The following ZNF600 variants were observed in gnomAD, a reference collection of about 807,000 sequenced individuals.
ZNF600 encodes the protein zinc finger protein 600.
A neutral mutation model predicts 7.3 loss-of-function variants in ZNF600; 4 were observed. That is an observed-to-expected ratio of 0.55 (90% CI 0.27 to 1.25). ZNF600 has a LOEUF of 1.25. Ranked by LOEUF, ZNF600 falls within the 50% of genes most tolerant of loss-of-function variation. The pLI is 0.12. For synonymous variants in ZNF600, 290 were observed against 308.9 expected (o/e 0.94, Z 0.64); for missense variants, 911 against 922.1 (o/e 0.99, Z 0.16).
the ZNF600 span, chr19:52,801,238 T>C: frequency 1.2e-6 from 2 of 1,614,158 alleles, no homozygotes; most frequent in Non-Finnish European, 1.7e-6. Context: ...CGTTTTTGTG[T>C]GAGTAATGAA....
chr19:52,773,144 G>A (rs1356631609), intron 3 of ZNF600, among the ~76,000 whole-genome samples: 1 of 152,146 alleles, frequency 6.6e-6, no homozygotes, highest in Non-Finnish European at 1.5e-5. Flanking sequence ...AGGAAAGGAA[G>A]GGCAAGGGTG....
At chr19:52,785,204 C>A (rs768455460) in intron 1 of ZNF600, among the ~76,000 whole-genome samples, 6 of 151,848 alleles carry the variant, frequency 4.0e-5, no homozygotes, top group Non-Finnish European at 8.8e-5. Flanking sequence ...TATTACTTCT[C>A]TTCCACCTCT....
At chr19:52,813,389 G>A in the ZNF600 span, among the ~76,000 whole-genome samples, 5 of 151,762 alleles carry the variant, frequency 3.3e-5, no homozygotes, top group Non-Finnish European at 7.4e-5. Context: ...CTGGGGATTC[G>A]CCATGGACAC....
upstream of ZNF600, among the ~76,000 whole-genome samples, chr19:52,791,587 G>GAA (rs10644290): frequency 0.044 from 6,537 of 149,200 alleles, 468 homozygotes; most frequent in African/African-American, 0.15. Flanking sequence ...TCCTGAATGT[G>GAA]AAAAAAAAAA....
the ZNF600 span, chr19:52,798,680 C>T: frequency 2.3e-6 from 1 of 440,514 alleles, no homozygotes; most frequent in Non-Finnish European, 4.6e-6. Flanking sequence ...ACAATCATGA[C>T]ATTTATAAGG....
exon 4 of ZNF600, chr19:52,766,845 C>A (rs1465481277): frequency 6.2e-7 from 1 of 1,614,086 alleles, no homozygotes; most frequent in Non-Finnish European, 8.5e-7. Context: ...ACATTCTTCA[C>A]ATTTGTAAGG....
chr19:52,829,750 G>C, the ZNF600 span, among the ~76,000 whole-genome samples: 2 of 152,018 alleles, frequency 1.3e-5, no homozygotes, highest in Non-Finnish European at 2.9e-5. Flanking sequence ...CGCCTCAAGC[G>C]ATCTACCCCC....
chr19:52,769,302 C>T (rs1353096948), intron 3 of ZNF600, among the ~76,000 whole-genome samples: 9 of 152,212 alleles, frequency 5.9e-5, no homozygotes, highest in East Asian at 1.9e-4. Context: ...TCAGTGGTCA[C>T]GCTCCTAGTC....
intron 1 of ZNF600, among the ~76,000 whole-genome samples, chr19:52,784,733 C>A (rs1430752241): frequency 6.6e-6 from 1 of 152,158 alleles, no homozygotes; most frequent in Non-Finnish European, 1.5e-5. Context: ...AGTCCCCCAC[C>A]CTTTTTTTCT....
chr19:52,810,020 G>T, the ZNF600 span: 1 of 749,444 alleles, frequency 1.3e-6, no homozygotes. Flanking sequence ...TGGAGCCGGA[G>T]CCCGAAGAGG....
At chr19:52,812,176 A>G in the ZNF600 span, among the ~76,000 whole-genome samples, 53 of 118,704 alleles carry the variant, frequency 4.5e-4, 5 homozygotes, top group Middle Eastern at 5.0e-3. Flanking sequence ...CAGCCGCCCC[A>G]TCTGGGAGGT....
chr19:52,805,988 C>G, the ZNF600 span: 1 of 151,768 alleles, frequency 6.6e-6, no homozygotes, highest in African/African-American at 2.4e-5. Flanking sequence ...CTCATAAATA[C>G]ATAAAGTAAT....
chr19:52,795,642 T>C, the ZNF600 span, among the ~76,000 whole-genome samples: 3 of 152,096 alleles, frequency 2.0e-5, no homozygotes, highest in African/African-American at 4.8e-5. Context: ...TCTCAGCTCA[T>C]TGCAATGTCC....
chr19:52,809,704 G>T, the ZNF600 span: 13 of 386,850 alleles, frequency 3.4e-5, no homozygotes, highest in East Asian at 5.2e-4. Context: ...TACTCGAGAG[G>T]CTGAGGCAGC....
At chr19:52,823,505 C>T in the ZNF600 span, among the ~76,000 whole-genome samples, 73 of 152,290 alleles carry the variant, frequency 4.8e-4, 2 homozygotes, top group South Asian at 0.012. Context: ...CGTGCGCCAC[C>T]GCACCTGGCC....
At chr19:52,819,269 G>A in the ZNF600 span, among the ~76,000 whole-genome samples, 3 of 140,766 alleles carry the variant, frequency 2.1e-5, 1 homozygote, top group East Asian at 4.0e-4. Flanking sequence ...CGGGAAGCAG[G>A]TGGAGGGTTC....
chr19:52,794,072 G>C, the ZNF600 span, among the ~76,000 whole-genome samples: 2 of 151,928 alleles, frequency 1.3e-5, no homozygotes, highest in Non-Finnish European at 2.9e-5. Context: ...TCCCAGCAGA[G>C]AGCTGAGGAG....
At chr19:52,791,755 A>G (rs2062791258), upstream of ZNF600, among the ~76,000 whole-genome samples, 1 of 152,082 alleles carries the variant, frequency 6.6e-6, no homozygotes, top group Non-Finnish European at 1.5e-5. Context: ...TGTATGTTTG[A>G]CCCTGGTCTT....
At chr19:52,814,398 A>C in the ZNF600 span, 1 of 146,300 alleles carries the variant, frequency 6.8e-6, no homozygotes, top group Non-Finnish European at 1.5e-5. Context: ...CAAGACCAGC[A>C]TGGCCAAAAT....
Sources: gnomAD v4.1 joint callset for allele counts (sites outside exome capture counted in the v4.1 genomes callset) on GRCh38, gnomAD v4.1.1 for gene constraint, MANE v1.5 for transcripts, NCBI Gene and HGNC (gene_info 2026-07-23, HGNC 2026-07-21) for gene names.